The following PDE6B variants were observed in gnomAD, a reference collection of about 807,000 sequenced individuals.
PDE6B encodes the protein phosphodiesterase 6B.
A neutral mutation model predicts 109.0 loss-of-function variants in PDE6B; 106 were observed. The ratio of observed to expected loss-of-function variants is 0.97; its 90% CI spans 0.83 to 1.14. The LOEUF (loss-of-function observed/expected upper bound fraction) is 1.14. Ranked by LOEUF, PDE6B falls within the 50% of genes most tolerant of loss-of-function variation. The probability of loss-of-function intolerance (pLI) is 0.00; values close to 1 mark genes in which losing one functional copy is unlikely to be tolerated. For missense variants in PDE6B, 1,193 were observed against 1,155.6 expected (o/e 1.03, Z -0.47); for synonymous variants, 490 against 471.3 (o/e 1.04, Z -0.51).
At chr4:668,366 G>C (rs867506269) in intron 21 of PDE6B, among the ~76,000 whole-genome samples, 2 of 151,920 alleles carry the variant, frequency 1.3e-5, no homozygotes, top group Middle Eastern at 3.4e-3. Flanking sequence ...GCCCGCACTT[G>C]GCTACCTTAG....
intron 3 of PDE6B, among the ~76,000 whole-genome samples, chr4:650,809 C>T (rs1735471917): frequency 6.6e-6 from 1 of 152,084 alleles, no homozygotes; most frequent in Non-Finnish European, 1.5e-5. Flanking sequence ...TTGACGGGGG[C>T]ACAGAGGAAT....
Position 653,868 on chromosome 4 carries a change from C to A in PDE6B, c.728C>A (p.Ala243Asp), listed in dbSNP as rs758953034. Residue 243 changes from alanine to aspartate, a missense_variant, in exon 4 of 22, where the codon GCC becomes GAC. By Grantham distance (126) the Ala-to-Asp change is moderately radical. Transcript: ENST00000496514. ...TRRGQVLLWS[A>D]NKVFEELTDI... ...TCCCTCCAGGTGCTGCTGTGGTCGGCCAACAAGGTGTTTGAGGAGCTGACG... is the reference window on the plus strand; with the variant it reads ...TCCCTCCAGGTGCTGCTGTGGTCGGACAACAAGGTGTTTGAGGAGCTGACG... The A allele has an allele frequency of 6.2e-7, 1 of 1,613,702 alleles. No individual in the cohort carries two copies. The highest frequency in any genetic ancestry group is 8.5e-7 in the Non-Finnish European group (1 of 1,180,014).
chr4:642,725 C>CAGAAAAAA (rs1553805595), intron 3 of PDE6B, among the ~76,000 whole-genome samples: 2 of 43,336 alleles, frequency 4.6e-5, no homozygotes, highest in African/African-American at 1.9e-4. Context: ...GACACTGTCT[C>CAGAAAAAA]AAAAAAAAAA....
chr4:667,973 A>G lies in PDE6B; in HGVS notation c.2470A>G (p.Lys824Glu), dbSNP rs138682290. ...YEAKVKALEE[K>E]EEEERVAAKK... ...GGCCAAAGTGAAGGCTCTGGAGGAG[A>G]AGGAGGAGGAGGAGAGGGTGGCAGC... The change falls in exon 21 of 22, where the codon AAG becomes GAG. Residue 824 changes from lysine (K) to glutamate (E), a missense_variant. Coordinates refer to ENST00000496514, the MANE Select transcript of PDE6B (RefSeq NM_000283.4). 2.2e-4 allele frequency: 349 copies of G among 1,612,528 alleles called. No homozygotes were observed. The highest frequency in any genetic ancestry group is 1.9e-3 in the African/African-American group (145 of 74,980).
chr4:651,609 C>T (rs1003393367), intron 3 of PDE6B: 2 of 151,922 alleles, frequency 1.3e-5, no homozygotes, highest in African/African-American at 2.4e-5. Flanking sequence ...TCTCCTGAGC[C>T]GCAGGCGCCG....
chr4:660,282 T>A lies in PDE6B; in HGVS notation c.1468-185T>A, dbSNP rs144208715. Among the ~76,000 whole-genome samples, 68 of 151,678 alleles carry A rather than the reference T, an allele frequency of 4.5e-4. No homozygotes were observed. In the East Asian group the frequency reaches 0.01, roughly 23 times the overall value. ...GGCCACAGGGTACAAGAGGGGAGAG[T>A]GAGGCTGAGCCAGGGGGGCGTGTGA... On this transcript the variant is annotated intron_variant, in intron 11 of 21. Coordinates refer to ENST00000496514, the MANE Select transcript of PDE6B (RefSeq NM_000283.4).
chr4:665,946 G>C lies in PDE6B; in HGVS notation c.2269-585G>C, dbSNP rs1336099952. ...GAGGGCTTAGGCCAGGTGCAGCCTC[G>C]GCAGGAAAGGGGGCATTGGTTGGTC... On this transcript the variant is annotated intron_variant, in intron 19 of 21. Transcript: ENST00000496514. The surrounding 1 kb of genome is among the most constrained non-coding windows in gnomAD (Gnocchi z 4.0). Among the ~76,000 whole-genome samples the C allele has an allele frequency of 1.3e-5, 2 of 152,160 alleles. No homozygotes were observed. The highest frequency in any genetic ancestry group is 2.9e-5 in the Non-Finnish European group (2 of 68,024).
At chr4:631,424 G>T (rs1734378260) in intron 1 of PDE6B, among the ~76,000 whole-genome samples, 1 of 149,286 alleles carries the variant, frequency 6.7e-6, no homozygotes, top group South Asian at 2.1e-4. Flanking sequence ...CTCCATCTAA[G>T]AGTCACATTG....
chr4:659,053 G>GT lies in PDE6B; in HGVS notation c.1467+36_1467+37insT, dbSNP rs1560127582. ...TGCTCCCGTCCCTCCCATGGAGGCC[G>GT]GCCACGTGTGAGGCTGGGAGGAAGA... On this transcript the variant is annotated intron_variant, in intron 11 of 21. Transcript: ENST00000496514. 4 of 1,490,128 alleles carry GT rather than the reference G, an allele frequency of 2.7e-6. No homozygotes were observed. The South Asian group carries it at 4.5e-5, about 17-fold the overall frequency. 92.3% of individuals were successfully genotyped at this position (1,490,128 alleles called of 1,614,324 possible). A position where few individuals can be genotyped will look rare whatever the true frequency, so the allele number is the denominator to read the frequency against.
intron 9 of PDE6B, 93 bp downstream of exon 9, chr4:657,116 G>A (rs1456499570): frequency 2.2e-6 from 3 of 1,342,526 alleles, no homozygotes; most frequent in Non-Finnish European, 3.2e-6. Flanking sequence ...GCATTCGGCT[G>A]TGTGCGTGTG....
chr4:656,357 T>C (rs1429804658), intron 8 of PDE6B, 65 bp downstream of exon 8: 3 of 1,082,562 alleles, frequency 2.8e-6, no homozygotes, highest in African/African-American at 3.1e-5. Context: ...GATTCAGCGA[T>C]GATGAAGTGA....
chr4:635,961 C>A lies in PDE6B; in HGVS notation c.703C>A (p.Arg235Ser). 1.3e-6 allele frequency: 2 copies of A among 1,597,382 alleles called. No homozygotes were observed. Among genetic ancestry groups the A allele is most frequent in the Non-Finnish European group, 8.6e-7 (1 of 1,164,756 alleles). ...LSYLHNCETR[R>S]GQVLLWSANK... ...CTACCTCCACAACTGCGAGACGCGC[C>A]GCGGCCAGGTACCCACACGCTGAGC... Residue 235 changes from arginine (R) to serine (S), a missense_variant, in exon 3 of 22, where the codon CGC becomes AGC. Transcript: ENST00000496514.
chr4:631,621 T>A (rs1734389776), intron 1 of PDE6B, among the ~76,000 whole-genome samples: 1 of 149,244 alleles, frequency 6.7e-6, no homozygotes, highest in Non-Finnish European at 1.5e-5. Context: ...TTGTATGGAT[T>A]TGTGTTTGGG....
intron 6 of PDE6B, 159 bp downstream of exon 6, chr4:655,047 T>C (rs1736053781): frequency 6.0e-6 from 4 of 666,360 alleles, no homozygotes; most frequent in South Asian, 3.3e-5. Flanking sequence ...CCGTGGGGCA[T>C]AGTGGAGTTG....
rs1408125314 is a variant in PDE6B, at chr4:670,371, T to C, written c.*264T>C. ...GATTCTCGTGCCTCAGCCTCCTGAG[T>C]AGCTGGGACTACAGGCGCCCACCAC... On this transcript the variant is annotated 3_prime_UTR_variant, in exon 22 of 22. Coordinates refer to ENST00000496514, the MANE Select transcript of PDE6B (RefSeq NM_000283.4). 7.4e-6 allele frequency: 3 copies of C among 407,216 alleles called. No individual in the cohort carries two copies. Among genetic ancestry groups the C allele is most frequent in the African/African-American group, 4.1e-5 (2 of 48,198 alleles). The allele number at this position is 407,216 out of a possible 1,614,324, so 25.2% of individuals were successfully genotyped here. A position where few individuals can be genotyped will look rare whatever the true frequency, so the allele number is the denominator to read the frequency against.
chr4:645,987 C>T (rs1735183818), intron 3 of PDE6B, among the ~76,000 whole-genome samples: 1 of 151,980 alleles, frequency 6.6e-6, no homozygotes, highest in Non-Finnish European at 1.5e-5. Flanking sequence ...TACACTGTTA[C>T]TATTATTACT....
chr4:634,654 G>A (rs1734554406), intron 1 of PDE6B, 23 bp from the exon 2 acceptor site: 1 of 1,606,070 alleles, frequency 6.2e-7, no homozygotes, highest in South Asian at 1.1e-5. Context: ...AGCCTCTTTA[G>A]CCTCTTTCCT....
In PDE6B at chr4:656,297, C is replaced by T; in HGVS notation, c.1107+5C>T. 1 of 1,511,232 alleles carries T rather than the reference C, an allele frequency of 6.6e-7. No homozygotes were observed. Among genetic ancestry groups the T allele is most frequent in the Non-Finnish European group, 9.2e-7 (1 of 1,086,172 alleles). 93.6% of individuals were successfully genotyped at this position (1,511,232 alleles called of 1,614,324 possible). A position where few individuals can be genotyped will look rare whatever the true frequency, so the allele number is the denominator to read the frequency against. ...GACGAAATGTTCAAATTTCAGGTAT[C>T]TGTCTGTGCCTTGGTAGAAATTATA... On this transcript the variant is annotated splice_donor_5th_base_variant and intron_variant, in intron 8 of 21. Coordinates refer to ENST00000496514, the MANE Select transcript of PDE6B (RefSeq NM_000283.4).
intron 1 of PDE6B, among the ~76,000 whole-genome samples, chr4:628,331 C>A (rs1334484282): frequency 6.6e-6 from 1 of 152,204 alleles, no homozygotes; most frequent in Non-Finnish European, 1.5e-5. Context: ...AGGGCGTGAG[C>A]CGCACCGGCC....
Sources: allele counts gnomAD v4.1 joint callset (sites outside exome capture counted in the v4.1 genomes callset), GRCh38; gene constraint gnomAD v4.1.1; non-coding constraint Gnocchi (gnomAD v3.1); transcripts MANE v1.5; gene names NCBI Gene and HGNC (gene_info 2026-07-23, HGNC 2026-07-21).